The following ACLY variants were observed in gnomAD, a reference collection of about 807,000 sequenced individuals.
ACLY encodes the protein ATP-citrate synthase.
ACLY carries 41 observed loss-of-function variants against 133.0 expected under a neutral mutation model. The observed-to-expected ratio is 0.31, with a 90% CI of 0.24 to 0.40. The LOEUF is 0.40. ACLY is among the 10% of genes least tolerant of loss of function. The pLI is 1.00. For missense variants in ACLY, 1,046 were observed against 1,453.8 expected, an observed-to-expected ratio of 0.72 and a Z score of 4.56; for synonymous variants, 495 against 549.3, an observed-to-expected ratio of 0.90 and a Z score of 1.38.
intron 10 of ACLY, 109 bp from the exon 11 acceptor site, chr17:41,901,922 G>A (rs2144357516): frequency 1.2e-6 from 1 of 824,450 alleles, no homozygotes; most frequent in Non-Finnish European, 1.9e-6. Flanking sequence ...CTGCTCCTCA[G>A]GAAGCACAGG....
intron 22 of ACLY, 118 bp downstream of exon 22, chr17:41,877,985 C>A (rs2048807262): frequency 2.0e-6 from 1 of 505,504 alleles, no homozygotes; most frequent in Non-Finnish European, 3.3e-6. Flanking sequence ...CTAAGAGATC[C>A]CCGACTAATA....
At chr17:41,874,922 CAAA>C (rs76281431) in intron 22 of ACLY, among the ~76,000 whole-genome samples, 14 of 128,142 alleles carry the variant, frequency 1.1e-4, no homozygotes, top group Admixed American at 1.6e-4. Context: ...TGTGTTATAG[CAAA>C]AAAAAAAAAA....
At chr17:41,930,422 T>C (rs749452294) in exon 1 of ACLY, 1 of 319,614 alleles carries the variant, frequency 3.1e-6, no homozygotes, top group Non-Finnish European at 6.0e-6. Context: ...TTGGCTGTCT[T>C]ACAAGGGAGC....
intron 17 of ACLY, among the ~76,000 whole-genome samples, chr17:41,886,662 G>A (rs991254114): frequency 6.6e-6 from 1 of 152,056 alleles, no homozygotes; most frequent in Non-Finnish European, 1.5e-5. Context: ...CAGGTGTGGA[G>A]AACACTTCTG....
intron 19 of ACLY, 74 bp from the exon 20 acceptor site, chr17:41,883,306 G>A: frequency 8.0e-7 from 1 of 1,254,426 alleles, no homozygotes; most frequent in Non-Finnish European, 1.2e-6. Context: ...GATAGAAAAT[G>A]GAGTGACACG....
chr17:41,909,385 G>T, intron 5 of ACLY, 125 bp downstream of exon 5: 2 of 1,068,092 alleles, frequency 1.9e-6, no homozygotes, highest in South Asian at 1.5e-5. Context: ...GTCTTCCTCA[G>T]GACAGGGCCG....
At chr17:41,920,990 A>G (rs2050174255), upstream of ACLY, among the ~76,000 whole-genome samples, 2 of 151,856 alleles carry the variant, frequency 1.3e-5, no homozygotes, top group South Asian at 4.2e-4. Context: ...TGAACCCAGG[A>G]GGCGGAGGCA....
rs963033357 is a variant in ACLY at position 41,869,110 on chromosome 17, G to A, written c.3067C>T (p.Leu1023=). 2 of 1,613,174 alleles carry A rather than the reference G, an allele frequency of 1.2e-6. No homozygotes were observed. The highest frequency in any genetic ancestry group is 1.3e-5 in the African/African-American group (1 of 74,876). The change falls in exon 27 of 29, where the codon CTG becomes TTG. Residue 1023 remains leucine, a synonymous_variant. Transcript: ENST00000352035. The stretch of plus-strand genomic sequence containing the variant: ...ACTCCGATGAGACCATCTACATTCA[G>A]GATAAGATTTGGCTTCTGGGAAGGC... ...ITTSKKPNLI[L]NVDGLIGVAF... is the part of the protein sequence containing the mutation.
chr17:41,892,243 T>TGGG, intron 16 of ACLY, 36 bp downstream of exon 16: 1 of 313,842 alleles, frequency 3.2e-6, no homozygotes, highest in Non-Finnish European at 5.3e-6. Context: ...TAGTTCATGG[T>TGGG]CCCCACCCCC....
intron 14 of ACLY, 42 bp from the exon 15 acceptor site, chr17:41,893,216 C>G: frequency 6.3e-7 from 1 of 1,583,482 alleles, no homozygotes; most frequent in Non-Finnish European, 8.6e-7. Context: ...GAACACATAC[C>G]CCCAGGAGAC....
At chr17:41,916,084 A>G (rs1008092920) in intron 1 of ACLY, among the ~76,000 whole-genome samples, 2 of 152,214 alleles carry the variant, frequency 1.3e-5, no homozygotes, top group Non-Finnish European at 2.9e-5. Flanking sequence ...CTTGAGACCC[A>G]GATCAAATTT....
chr17:41,890,180 G>C (rs529562480), intron 16 of ACLY, among the ~76,000 whole-genome samples: 7 of 152,274 alleles, frequency 4.6e-5, no homozygotes, highest in African/African-American at 1.7e-4. Flanking sequence ...TATTCCCTTT[G>C]CTCAAATCTA....
At chr17:41,883,279 T>C (rs782433881) in intron 19 of ACLY, 47 bp from the exon 20 acceptor site, 7 of 1,526,672 alleles carry the variant, frequency 4.6e-6, no homozygotes, top group East Asian at 2.3e-5. Flanking sequence ...GTGCAGCCCA[T>C]CCTGACGTAA....
At chr17:41,911,147 G>A (rs1398067098) in intron 3 of ACLY, among the ~76,000 whole-genome samples, 1 of 152,194 alleles carries the variant, frequency 6.6e-6, no homozygotes, top group African/African-American at 2.4e-5. Flanking sequence ...TTACCCATGA[G>A]GGCCAGAAAC....
At chr17:41,871,994 T>G (rs1555625172) in intron 24 of ACLY, 38 bp downstream of exon 24, 1 of 1,611,194 alleles carries the variant, frequency 6.2e-7, no homozygotes. Context: ...CAAGGCCCAG[T>G]GTCCCCACTG....
At chr17:41,907,174 T>C (rs1049899693) in intron 7 of ACLY, among the ~76,000 whole-genome samples, 6 of 152,014 alleles carry the variant, frequency 3.9e-5, no homozygotes, top group African/African-American at 9.7e-5. Flanking sequence ...GGCGAGACAC[T>C]TGGAATCATG....
intron 6 of ACLY, 66 bp from the exon 7 acceptor site, chr17:41,907,638 C>A (rs782066290): frequency 4.3e-5 from 68 of 1,578,876 alleles, no homozygotes; most frequent in Admixed American, 1.9e-4. Context: ...CAACCTCCAA[C>A]CCCTCCACAA....
chr17:41,908,305 G>T (rs2144389603), intron 6 of ACLY, among the ~76,000 whole-genome samples: 1 of 152,318 alleles, frequency 6.6e-6, no homozygotes, highest in South Asian at 2.1e-4. Context: ...CAGCATCAAG[G>T]GTTAATGATT....
At chr17:41,876,294 G>A (rs2048753177) in intron 22 of ACLY, among the ~76,000 whole-genome samples, 3 of 149,936 alleles carry the variant, frequency 2.0e-5, no homozygotes, top group African/African-American at 5.0e-5. Flanking sequence ...GGAGGTGGGG[G>A]GGTCAGCCCC....
Sources: gnomAD v4.1 joint callset for allele counts (sites outside exome capture counted in the v4.1 genomes callset) on GRCh38, gnomAD v4.1.1 for gene constraint, MANE v1.5 for transcripts, NCBI Gene and HGNC (gene_info 2026-07-23, HGNC 2026-07-21) for gene names.